Variants in SAE1 observed in about 807,000 individuals in gnomAD.
SAE1 encodes the protein SUMO1 activating enzyme subunit 1, also known as SUMO-activating enzyme subunit 1.
In SAE1, 11 loss-of-function variants were observed where a neutral mutation model predicts 40.6. The ratio of observed to expected loss-of-function variants is 0.27; its 90% CI spans 0.17 to 0.45. The LOEUF (loss-of-function observed/expected upper bound fraction) is 0.45, where lower values mean the gene tolerates loss of function less well. SAE1 is among the 20% of genes least tolerant of loss of function. The probability of loss-of-function intolerance (pLI) is 1.00; values close to 1 mark genes in which losing one functional copy is unlikely to be tolerated. For missense variants in SAE1, 373 were observed against 427.3 expected (o/e 0.87, Z 1.12); for synonymous variants, 155 against 154.3 (o/e 1.00, Z -0.03).
At chr19:47,141,113 T>A (rs576031318) in intron 1 of SAE1, among the ~76,000 whole-genome samples, 1 of 152,250 alleles carries the variant, frequency 6.6e-6, no homozygotes, top group East Asian at 1.9e-4. Flanking sequence ...GTGATTCTCC[T>A]GCCTCACTGT....
chr19:47,169,070 T>A (rs1357048689), intron 5 of SAE1, among the ~76,000 whole-genome samples: 1 of 152,214 alleles, frequency 6.6e-6, no homozygotes, highest in Admixed American at 6.5e-5. Flanking sequence ...ATTGTTTCTC[T>A]TGCTGTTATT....
At position 47,209,427 on chromosome 19, in the gene SAE1, C is replaced by T. The variant is rs180767001; in HGVS notation, c.*176C>T. On this transcript the variant is annotated 3_prime_UTR_variant, in exon 9 of 9. Transcript: ENST00000270225. ...ACGTGCTGCTTCCCATCACCAGCAG[C>T]TGCTCGACAAGGGGCGCAGGGTGGC... 6.8e-4 allele frequency: 777 copies of T among 1,144,462 alleles called. 6 individuals carry two copies. In the East Asian group the frequency reaches 0.019, roughly 28 times the overall value. The allele number at this position is 1,144,462 out of a possible 1,614,324, so 70.9% of individuals were successfully genotyped here.
At chr19:47,148,603 C>T (rs1301283217) in intron 2 of SAE1, among the ~76,000 whole-genome samples, 1 of 151,474 alleles carries the variant, frequency 6.6e-6, no homozygotes. Flanking sequence ...CTCATCTCTC[C>T]ACCTCTCTGA....
At chr19:47,187,340 G>A (rs943942654) in intron 6 of SAE1, among the ~76,000 whole-genome samples, 2 of 152,178 alleles carry the variant, frequency 1.3e-5, no homozygotes, top group Admixed American at 6.5e-5. Context: ...GGGTTTCCCT[G>A]TTGAGGACAG....
chr19:47,168,758 C>T (rs1400584607), intron 5 of SAE1, among the ~76,000 whole-genome samples: 1 of 152,082 alleles, frequency 6.6e-6, no homozygotes, highest in Non-Finnish European at 1.5e-5. Flanking sequence ...TGCCTGCCAC[C>T]ACGTCCAACT....
intron 1 of SAE1, among the ~76,000 whole-genome samples, chr19:47,137,186 C>G (rs753737999): frequency 6.6e-6 from 1 of 151,884 alleles, no homozygotes; most frequent in Admixed American, 6.6e-5. Context: ...GTCAGGAGTT[C>G]GAGACTAGCC....
intron 3 of SAE1, among the ~76,000 whole-genome samples, chr19:47,152,311 T>A (rs143620389): frequency 1.5e-3 from 234 of 152,360 alleles, no homozygotes; most frequent in African/African-American, 5.6e-3. Context: ...GTTCATTGTC[T>A]AAGCCTGAAT....
At chr19:47,193,774 G>A (rs2058594537) in intron 6 of SAE1, among the ~76,000 whole-genome samples, 1 of 149,446 alleles carries the variant, frequency 6.7e-6, no homozygotes, top group Non-Finnish European at 1.5e-5. Flanking sequence ...GTTGCATTGA[G>A]CCGAGATCAC....
chr19:47,197,377 G>A lies in SAE1; in HGVS notation c.878G>A (p.Arg293Lys). 6.2e-7 allele frequency: 1 copy of A among 1,611,666 alleles called. No individual in the cohort carries two copies. Among genetic ancestry groups the A allele is most frequent in the Non-Finnish European group, 8.5e-7 (1 of 1,179,234 alleles). ...GACCTGCTTCCTGAGGACTTTGTCAGGTTGGTGTCAGTATTTATCACTGTT... is the reference window on the plus strand; with the variant it reads ...GACCTGCTTCCTGAGGACTTTGTCAAGTTGGTGTCAGTATTTATCACTGTT... ...SPDLLPEDFV[R>K]YCFSEMAPVC... The change falls in exon 7 of 9, where the codon AGG becomes AAG. Residue 293 changes from arginine to lysine, a missense_variant and splice_region_variant. By Grantham distance (26) the Arg-to-Lys change is conservative. This residue lies in a region of SAE1 where 351 missense variants were observed against 390.6 expected (regional missense o/e 0.90). Coordinates refer to ENST00000270225, the MANE Select transcript of SAE1 (RefSeq NM_005500.3).
chr19:47,201,360 CTTTTTTTTTTT>C (rs57568797), intron 7 of SAE1, among the ~76,000 whole-genome samples: 693 of 66,242 alleles, frequency 0.01, 23 homozygotes, highest in East Asian at 0.044. Context: ...TATCTGGTTC[CTTTTTTTTTTT>C]TTTTTTTTTT....
chr19:47,191,137 G>A (rs925646165), intron 6 of SAE1, among the ~76,000 whole-genome samples: 6 of 152,144 alleles, frequency 3.9e-5, no homozygotes, highest in Non-Finnish European at 4.4e-5. Flanking sequence ...TAGGTTGGGC[G>A]TAGTGGGTCA....
rs1311509125 is a variant in SAE1, at chr19:47,210,246, A to G, written c.*995A>G. 1.3e-5 allele frequency: 2 copies of G among 152,160 alleles called. No homozygotes were observed. The highest frequency in any genetic ancestry group is 3.8e-4 in the East Asian group (2 of 5,198). The allele number at this position is 152,160 out of a possible 1,614,324, so 9.4% of individuals were successfully genotyped here. A position where few individuals can be genotyped will look rare whatever the true frequency, so the allele number is the denominator to read the frequency against. ...TTCTGAGAGGGAATGGGATGATCCT[A>G]CCAGTTGCCTTTTCAGACCTGAGGC... On this transcript the variant is annotated 3_prime_UTR_variant, in exon 9 of 9. Transcript: ENST00000270225.
intron 5 of SAE1, among the ~76,000 whole-genome samples, chr19:47,167,906 T>A (rs1052948680): frequency 1.3e-5 from 2 of 152,220 alleles, no homozygotes; most frequent in South Asian, 4.1e-4. Context: ...GAACTGCTTT[T>A]TTCTGGCTAG....
chr19:47,174,299 C>CT (rs766044817), intron 6 of SAE1, among the ~76,000 whole-genome samples: 2,867 of 130,226 alleles, frequency 0.022, 86 homozygotes, highest in Admixed American at 0.097. Flanking sequence ...TTTTCTTTTT[C>CT]TTTTTTTTTT....
intron 6 of SAE1, among the ~76,000 whole-genome samples, chr19:47,185,366 G>A (rs2058537723): frequency 6.6e-6 from 1 of 151,722 alleles, no homozygotes; most frequent in Non-Finnish European, 1.5e-5. Context: ...GGAGTGCGGT[G>A]GTGTGTCGGC....
intron 6 of SAE1, among the ~76,000 whole-genome samples, chr19:47,191,695 CAAG>C (rs2123298355): frequency 6.6e-6 from 1 of 152,232 alleles, no homozygotes; most frequent in East Asian, 1.9e-4. Flanking sequence ...AAGGGACCAA[CAAG>C]AGGAGGTGAT....
chr19:47,141,291 C>A (rs975332344), intron 1 of SAE1, among the ~76,000 whole-genome samples: 1 of 152,148 alleles, frequency 6.6e-6, no homozygotes, highest in Non-Finnish European at 1.5e-5. Context: ...CGTGAGCCCC[C>A]ACGCCTGGCC....
intron 6 of SAE1, among the ~76,000 whole-genome samples, chr19:47,179,558 T>G (rs1303809142): frequency 6.6e-6 from 1 of 152,078 alleles, no homozygotes; most frequent in Non-Finnish European, 1.5e-5. Context: ...GTAGGGATTT[T>G]GTTTTCAGAT....
chr19:47,140,256 G>A (rs955015839), intron 1 of SAE1, among the ~76,000 whole-genome samples: 3 of 151,756 alleles, frequency 2.0e-5, no homozygotes, highest in Non-Finnish European at 2.9e-5. Context: ...ACAGGCGCCC[G>A]CCACCATGCC....
Sources: gnomAD v4.1 joint callset for allele counts (sites outside exome capture counted in the v4.1 genomes callset) on GRCh38, gnomAD v4.1.1 for gene constraint, gnomAD v4.1.1 regional missense constraint, MANE v1.5 for transcripts, NCBI Gene and HGNC (gene_info 2026-07-23, HGNC 2026-07-21) for gene names.